The following NIM1K variants were observed in gnomAD, a reference collection of about 807,000 sequenced individuals.
NIM1K encodes NIM1 serine/threonine protein kinase.
In NIM1K, 35 loss-of-function variants were observed where a neutral mutation model predicts 37.1. That is an observed-to-expected ratio of 0.94 (90% CI 0.72 to 1.25). The LOEUF (loss-of-function observed/expected upper bound fraction) is 1.25, where lower values mean the gene tolerates loss of function less well. Among genes scored for constraint, NIM1K ranks in the 50% most tolerant of loss-of-function variants. The probability of loss-of-function intolerance (pLI) is 0.00; values close to 1 mark genes in which losing one functional copy is unlikely to be tolerated. For synonymous variants in NIM1K, 234 were observed against 206.6 expected (o/e 1.13, Z -1.14); for missense variants, 564 against 548.0 (o/e 1.03, Z -0.29).
chr5:43,229,984 A>G (rs1752515014), intron 1 of NIM1K, among the ~76,000 whole-genome samples: 1 of 151,916 alleles, frequency 6.6e-6, no homozygotes, highest in African/African-American at 2.4e-5. Context: ...CCTTTGAAAT[A>G]TCTCTACCTT....
chr5:43,206,973 T>G, intron 1 of NIM1K: 1 of 760,606 alleles, frequency 1.3e-6, no homozygotes, highest in East Asian at 2.5e-5. Flanking sequence ...GACGGTATTT[T>G]GAACAAAGCG....
At chr5:43,207,643 C>A (rs1752137039) in intron 1 of NIM1K, 5 of 606,884 alleles carry the variant, frequency 8.2e-6, no homozygotes, top group Non-Finnish European at 1.6e-5. Context: ...GGAACTGTGT[C>A]AATCTGACGG....
chr5:43,231,961 C>T (rs1477704856), intron 1 of NIM1K: 3 of 960,572 alleles, frequency 3.1e-6, no homozygotes, highest in African/African-American at 3.3e-5. Flanking sequence ...TGAACAAAAG[C>T]ACTCTTGACA....
rs116928902 is a variant in NIM1K, at chr5:43,200,591, C to T, written c.-695+8180C>T. 7.1e-3 allele frequency among the ~76,000 whole-genome samples: 1,085 copies of T among 152,206 alleles called. 40 individuals carry two copies. In the East Asian group the frequency reaches 0.13, roughly 18 times the overall value. ...ATGAGATTACAGGCGTGAGCCACTG[C>T]GCCCGGCCAGTAGTAGTTACTAAGA... On this transcript the variant is annotated intron_variant, in intron 1 of 3. Coordinates refer to ENST00000326035, the MANE Select transcript of NIM1K (RefSeq NM_153361.4).
chr5:43,220,289 ATC>A (rs998830888), intron 1 of NIM1K, among the ~76,000 whole-genome samples: 1 of 134,264 alleles, frequency 7.4e-6, no homozygotes, highest in Admixed American at 7.7e-5. Flanking sequence ...GCATGTGGGT[ATC>A]TCTTTTTTTT....
At chr5:43,266,283 C>T (rs956891321) in intron 2 of NIM1K, among the ~76,000 whole-genome samples, 2 of 152,180 alleles carry the variant, frequency 1.3e-5, no homozygotes, top group African/African-American at 4.8e-5. Context: ...TTTGAGCTTC[C>T]CAGCTGCTTT....
intron 2 of NIM1K, among the ~76,000 whole-genome samples, chr5:43,261,809 G>T (rs1753035319): frequency 6.6e-6 from 1 of 152,170 alleles, no homozygotes; most frequent in Admixed American, 6.5e-5. Context: ...AAGGGATCCA[G>T]TTTCCACTTT....
In NIM1K at chr5:43,207,200, G is replaced by T. The variant is rs117548741; in HGVS notation, c.-695+14789G>T. ...CATCCTGAGTGGGGATGTTAATTTGGCAGAGAGTGATTTGGCATATACCTG... is the reference window on the plus strand; with the variant it reads ...CATCCTGAGTGGGGATGTTAATTTGTCAGAGAGTGATTTGGCATATACCTG... On this transcript the variant is annotated intron_variant, in intron 1 of 3. Transcript: ENST00000326035. 1.1e-3 allele frequency: 804 copies of T among 745,646 alleles called. 5 individuals carry two copies. The highest frequency in any genetic ancestry group is 7.4e-3 in the East Asian group (299 of 40,244). The allele number at this position is 745,646 out of a possible 1,614,324, so 46.2% of individuals were successfully genotyped here.
intron 2 of NIM1K, among the ~76,000 whole-genome samples, chr5:43,251,475 AACG>A (rs1752865778): frequency 6.6e-6 from 1 of 152,208 alleles, no homozygotes; most frequent in Non-Finnish European, 1.5e-5. Context: ...ATGTTTTACA[AACG>A]AGGAGATGGA....
intron 1 of NIM1K, chr5:43,233,209 G>A (rs1236507065): frequency 1.0e-6 from 1 of 965,438 alleles, no homozygotes. Flanking sequence ...CGATGGTGGA[G>A]ACAAGGAGAG....
chr5:43,276,947 G>A, intron 2 of NIM1K, 110 bp from the exon 3 acceptor site: 1 of 1,071,878 alleles, frequency 9.3e-7, no homozygotes, highest in South Asian at 1.5e-5. Context: ...CTCTCAGCTT[G>A]GGAACAGCCA....
intron 2 of NIM1K, among the ~76,000 whole-genome samples, chr5:43,270,838 T>A (rs1001733866): frequency 6.6e-6 from 1 of 151,988 alleles, no homozygotes; most frequent in Non-Finnish European, 1.5e-5. Context: ...TTAATAGAGA[T>A]CCTCCTCCAG....
rs147002953 is a variant in NIM1K at position 43,215,430 on chromosome 5, G to T, written c.-695+23019G>T. On this transcript the variant is annotated intron_variant, in intron 1 of 3. Coordinates refer to ENST00000326035, the MANE Select transcript of NIM1K (RefSeq NM_153361.4). ...AGTAGTAAAGGCTTAGCCAGCAAAAGGCCCATCTTTTTTTCTTTTTTCGAG... is the reference window on the plus strand; with the variant it reads ...AGTAGTAAAGGCTTAGCCAGCAAAATGCCCATCTTTTTTTCTTTTTTCGAG... Among the ~76,000 whole-genome samples, 443 of 152,184 alleles carry T rather than the reference G, an allele frequency of 2.9e-3. 2 individuals are homozygous for T. The highest frequency in any genetic ancestry group is 0.01 in the African/African-American group (431 of 41,544).
intron 1 of NIM1K, among the ~76,000 whole-genome samples, chr5:43,236,220 T>C (rs1298437929): frequency 6.6e-6 from 1 of 152,002 alleles, no homozygotes; most frequent in African/African-American, 2.4e-5. Flanking sequence ...TGAGCTGTGA[T>C]TGCACCACTG....
intron 2 of NIM1K, among the ~76,000 whole-genome samples, chr5:43,256,746 A>C (rs1466592867): frequency 3.3e-5 from 5 of 152,186 alleles, no homozygotes; most frequent in African/African-American, 1.2e-4. Flanking sequence ...GCAACCACTG[A>C]CTGGTAGAAG....
chr5:43,249,672 T>C (rs1357488713), intron 2 of NIM1K, among the ~76,000 whole-genome samples: 1 of 152,080 alleles, frequency 6.6e-6, no homozygotes, highest in Non-Finnish European at 1.5e-5. Flanking sequence ...CAGAAGGAGC[T>C]GTCTACTGGG....
At chr5:43,199,450 C>T (rs1751987260) in intron 1 of NIM1K, among the ~76,000 whole-genome samples, 2 of 151,798 alleles carry the variant, frequency 1.3e-5, no homozygotes, top group African/African-American at 2.4e-5. Context: ...GTTTTAGCTG[C>T]CATCAGAGAC....
intron 3 of NIM1K, among the ~76,000 whole-genome samples, 161 bp from the exon 4 acceptor site, chr5:43,279,819 T>C (rs1753409202): frequency 6.6e-6 from 1 of 152,214 alleles, no homozygotes; most frequent in South Asian, 2.1e-4. Flanking sequence ...GGCATTACAT[T>C]GGGCTAAAGG....
chr5:43,241,841 T>C (rs1051055295), intron 1 of NIM1K, among the ~76,000 whole-genome samples: 1 of 151,996 alleles, frequency 6.6e-6, no homozygotes, highest in Non-Finnish European at 1.5e-5. Flanking sequence ...TGGCTTTCGC[T>C]GAGATCATAA....
Sources: gnomAD v4.1 joint callset for allele counts (sites outside exome capture counted in the v4.1 genomes callset) on GRCh38, gnomAD v4.1.1 for gene constraint, MANE v1.5 for transcripts, NCBI Gene and HGNC (gene_info 2026-07-23, HGNC 2026-07-21) for gene names.